Variants in CXCL17 observed in about 807,000 individuals in gnomAD.
The protein encoded by CXCL17 is C-X-C motif chemokine 17.
In CXCL17, 9 loss-of-function variants were observed where a neutral mutation model predicts 15.5. The ratio of observed to expected loss-of-function variants is 0.58; its 90% CI spans 0.35 to 1.01. The LOEUF (loss-of-function observed/expected upper bound fraction) is 1.01. Among genes scored for constraint, CXCL17 ranks in the 50% least tolerant of loss-of-function variants. The pLI, the probability that CXCL17 is intolerant of heterozygous loss-of-function variation, is 0.02. For missense variants in CXCL17, 133 were observed against 138.2 expected, an observed-to-expected ratio of 0.96 and a Z score of 0.19; for synonymous variants, 52 against 52.3, an observed-to-expected ratio of 0.99 and a Z score of 0.02.
intron 1 of CXCL17, among the ~76,000 whole-genome samples, chr19:42,436,810 T>C (rs1264826936): frequency 6.6e-5 from 10 of 152,256 alleles, no homozygotes; most frequent in Non-Finnish European, 1.5e-4. Context: ...TTCTTTGTTC[T>C]TGTAACTGTT....
At position 42,442,833 on chromosome 19, in the gene CXCL17, C is replaced by T. The variant is rs149050070; in HGVS notation, c.-1G>A. ...GGAGGGAAGAGATTAGAACTTTCAT[C>T]GCAACTGTCGGTGCAGCTGTAAGTT... is the stretch of plus-strand genomic sequence containing the variant. On this transcript the variant is annotated 5_prime_UTR_variant, in exon 1 of 4. Coordinates refer to ENST00000601181, the MANE Select transcript of CXCL17 (RefSeq NM_198477.3). The T allele has an allele frequency of 1.6e-5, 25 of 1,612,376 alleles. No individual in the cohort carries two copies. Among genetic ancestry groups the T allele is most frequent in the Admixed American group, 6.7e-5 (4 of 59,988 alleles).
chr19:42,441,302 G>A (rs947960722), intron 1 of CXCL17, among the ~76,000 whole-genome samples: 5 of 152,198 alleles, frequency 3.3e-5, no homozygotes, highest in Non-Finnish European at 7.3e-5. Context: ...GAGACCACAT[G>A]TCTGGCTGTG....
chr19:42,434,097 G>A (rs2040810495), intron 1 of CXCL17, among the ~76,000 whole-genome samples: 1 of 152,196 alleles, frequency 6.6e-6, no homozygotes, highest in Non-Finnish European at 1.5e-5. Flanking sequence ...GCCTCCCAAA[G>A]TGCTAGGATT....
chr19:42,428,971 C>T lies in CXCL17; in HGVS notation c.273G>A (p.Arg91=). ...KGNVKKTRHQ[R]HHRKPNKHSR... ...AATGCTTGTTTGGCTTTCTGTGGTG[C>T]CTTTGGTGTCCTAGGGTGCAAATAA... Residue 91 remains arginine (R), a synonymous_variant, in exon 4 of 4, where the codon AGG becomes AGA. Transcript: ENST00000601181. The T allele has an allele frequency of 1.2e-6, 2 of 1,613,642 alleles. No homozygotes were observed.
intron 1 of CXCL17, among the ~76,000 whole-genome samples, chr19:42,436,737 T>C (rs2040838102): frequency 6.6e-6 from 1 of 152,194 alleles, no homozygotes; most frequent in African/African-American, 2.4e-5. Flanking sequence ...GTGTTCCAAA[T>C]TATTTAACTG....
chr19:42,442,888 C>A lies in CXCL17; in HGVS notation c.-56G>T. 2 of 1,335,222 alleles carry A rather than the reference C, an allele frequency of 1.5e-6. No individual in the cohort carries two copies. The highest frequency in any genetic ancestry group is 1.1e-6 in the Non-Finnish European group (1 of 937,868). 82.7% of individuals were successfully genotyped at this position (1,335,222 alleles called of 1,614,324 possible). A position where few individuals can be genotyped will look rare whatever the true frequency, so the allele number is the denominator to read the frequency against. ...GAAGAATATAATGGAAGGTTCCCTG[C>A]TGGAGGCTCCTGATCCCTGGGGATG... On this transcript the variant is annotated 5_prime_UTR_variant, in exon 1 of 4. Coordinates refer to ENST00000601181, the MANE Select transcript of CXCL17 (RefSeq NM_198477.3).
In CXCL17 at chr19:42,428,613, G is replaced by C. The variant is rs2040741173; in HGVS notation, c.*271C>G. ...TTGCATTTAAGGTTAAATGACACTAGCTAGGAAGCTACAGTTTCCTGGAAT... is the reference window on the plus strand; with the variant it reads ...TTGCATTTAAGGTTAAATGACACTACCTAGGAAGCTACAGTTTCCTGGAAT... On this transcript the variant is annotated 3_prime_UTR_variant, in exon 4 of 4. Coordinates refer to ENST00000601181, the MANE Select transcript of CXCL17 (RefSeq NM_198477.3). 2.9e-6 allele frequency: 1 copy of C among 344,550 alleles called. No homozygotes were observed. The highest frequency in any genetic ancestry group is 5.3e-6 in the Non-Finnish European group (1 of 188,818). The allele number at this position is 344,550 out of a possible 1,614,324, so 21.3% of individuals were successfully genotyped here.
chr19:42,433,836 C>G lies in CXCL17; in HGVS notation c.100G>C (p.Asp34His). Residue 34 changes from aspartate (D) to histidine (H), a missense_variant, in exon 2 of 4, where the codon GAC (aspartate) becomes CAC (histidine). By Grantham distance (81) the Asp-to-His change is moderately conservative. Transcript: ENST00000601181. ...CATCTCCTAGAAGCCTGGCCTCGGT[C>G]CCTGTGGCCTCTGGCGACCCCTGTC... ...LNPGVARGHR[D>H]RGQASRRWLQ... is the part of the protein sequence containing the mutation. 1 of 1,613,924 alleles carries G rather than the reference C, an allele frequency of 6.2e-7. No homozygotes were observed. The highest frequency in any genetic ancestry group is 1.6e-4 in the Middle Eastern group (1 of 6,062).
intron 1 of CXCL17, among the ~76,000 whole-genome samples, chr19:42,440,113 T>C (rs1348485337): frequency 6.6e-6 from 1 of 152,180 alleles, no homozygotes. Context: ...GCATTAGATT[T>C]GTGAGGACAA....
At chr19:42,434,366 CGAG>C (rs1205222006) in intron 1 of CXCL17, among the ~76,000 whole-genome samples, 2 of 152,138 alleles carry the variant, frequency 1.3e-5, no homozygotes, top group African/African-American at 2.4e-5. Context: ...AGAGTGAGAG[CGAG>C]GAGGAGATTA....
At chr19:42,436,231 C>T (rs1440507487) in intron 1 of CXCL17, among the ~76,000 whole-genome samples, 1 of 152,198 alleles carries the variant, frequency 6.6e-6, no homozygotes, top group East Asian at 1.9e-4. Context: ...TTCAGGCCTC[C>T]TACTTCCCAG....
At chr19:42,432,141 G>GT (rs370344388) in intron 3 of CXCL17, among the ~76,000 whole-genome samples, 49,302 of 107,918 alleles carry the variant, frequency 0.46, 12,455 homozygotes, top group South Asian at 0.51. Context: ...TGCCAATTTA[G>GT]TTTTTTTTTT....
At position 42,429,011 on chromosome 19, in the gene CXCL17, T is replaced by A. The variant is rs2040746680; in HGVS notation, c.263-30A>T. 5 of 1,527,528 alleles carry A rather than the reference T, an allele frequency of 3.3e-6. No homozygotes were observed. The East Asian group carries it at 1.1e-4, about 34-fold the overall frequency. 94.6% of individuals were successfully genotyped at this position (1,527,528 alleles called of 1,614,324 possible). A position where few individuals can be genotyped will look rare whatever the true frequency, so the allele number is the denominator to read the frequency against. On this transcript the variant is annotated intron_variant, in intron 3 of 3. Transcript: ENST00000601181. The stretch of plus-strand genomic sequence containing the variant: ...GGTGCAAATAAAGGGGAGAGGCTAG[T>A]GTTAAAACCATTTTTAACATTTCTT...
chr19:42,435,465 G>A (rs1249525234), intron 1 of CXCL17, among the ~76,000 whole-genome samples: 4 of 152,084 alleles, frequency 2.6e-5, no homozygotes, highest in African/African-American at 9.7e-5. Flanking sequence ...ATGGAGATAG[G>A]ACCTTTAAAG....
rs140257944 is a variant in CXCL17 at position 42,440,655 on chromosome 19, A to G, written c.79+2099T>C. 1.8e-4 allele frequency among the ~76,000 whole-genome samples: 28 copies of G among 152,252 alleles called. No individual in the cohort carries two copies. In the East Asian group the frequency reaches 5.4e-3, roughly 29 times the overall value. The stretch of plus-strand genomic sequence containing the variant: ...TTCACAAGTGTGTGTGACAAGTGGT[A>G]TTTTCTTCATTTTAAGATGATAAAA... On this transcript the variant is annotated intron_variant, in intron 1 of 3. Coordinates refer to ENST00000601181, the MANE Select transcript of CXCL17 (RefSeq NM_198477.3).
intron 1 of CXCL17, among the ~76,000 whole-genome samples, chr19:42,441,983 G>T (rs1181912983): frequency 6.6e-6 from 1 of 152,148 alleles, no homozygotes; most frequent in Non-Finnish European, 1.5e-5. Context: ...CATGTTGGTG[G>T]CATTCCAGTG....
Position 42,438,340 on chromosome 19 carries a change from A to G in CXCL17, c.79+4414T>C, listed in dbSNP as rs1240277804. 2.3e-5 allele frequency among the ~76,000 whole-genome samples: 3 copies of G among 132,352 alleles called. No homozygotes were observed. The East Asian group carries it at 6.8e-4, about 30-fold the overall frequency. The allele number at this position is 132,352 out of a possible 152,430, so 86.8% of individuals were successfully genotyped here. A position where few individuals can be genotyped will look rare whatever the true frequency, so the allele number is the denominator to read the frequency against. Reference sequence around the variant, plus strand: ...ACCACTGCACTCCAGCCTGGGCGACAAGAGACTCTGTCTCAAAAAAAAAAA... The same window carrying G: ...ACCACTGCACTCCAGCCTGGGCGACGAGAGACTCTGTCTCAAAAAAAAAAA... On this transcript the variant is annotated intron_variant, in intron 1 of 3. Transcript: ENST00000601181.
At position 42,428,849 on chromosome 19, in the gene CXCL17, G is replaced by A. The variant is rs2040744129; in HGVS notation, c.*35C>T. The A allele has an allele frequency of 1.3e-6, 2 of 1,515,750 alleles. No homozygotes were observed. Among genetic ancestry groups the A allele is most frequent in the Non-Finnish European group, 1.8e-6 (2 of 1,090,840 alleles). The allele number at this position is 1,515,750 out of a possible 1,614,324, so 93.9% of individuals were successfully genotyped here. A position where few individuals can be genotyped will look rare whatever the true frequency, so the allele number is the denominator to read the frequency against. ...GTGTGCTCACTGTCTTCTTGGCTGA[G>A]AATGTTTAATTGGAAGAGTGGGCGC... On this transcript the variant is annotated 3_prime_UTR_variant, in exon 4 of 4. Transcript: ENST00000601181.
At chr19:42,438,646 C>A (rs189309126) in intron 1 of CXCL17, among the ~76,000 whole-genome samples, 141 of 151,976 alleles carry the variant, frequency 9.3e-4, no homozygotes, top group Non-Finnish European at 2.6e-4. Flanking sequence ...ATGGACCTAT[C>A]AGTCAGTGCC....
Sources: gnomAD v4.1 joint callset for allele counts (sites outside exome capture counted in the v4.1 genomes callset) on GRCh38, gnomAD v4.1.1 for gene constraint, MANE v1.5 for transcripts, NCBI Gene and HGNC (gene_info 2026-07-23, HGNC 2026-07-21) for gene names.